UBQLN3: variants seen among roughly 807,000 people sequenced by gnomAD.
UBQLN3 encodes ubiquilin-3.
Under a neutral mutation model 2.9 loss-of-function variants are expected in UBQLN3, and 1 was observed. The observed-to-expected ratio is 0.35, with a 90% CI of 0.12 to 1.66. UBQLN3 has a LOEUF of 1.66. Among genes scored for constraint, UBQLN3 ranks in the 40% most tolerant of loss-of-function variants. The probability of loss-of-function intolerance (pLI) is 0.35; values close to 1 mark genes in which losing one functional copy is unlikely to be tolerated. For missense variants in UBQLN3, 924 were observed against 816.5 expected (o/e 1.13, Z -1.61); for synonymous variants, 358 against 317.6 (o/e 1.13, Z -1.35).
rs1281875541 is a variant in UBQLN3, at chr11:5,509,075, C to T, written c.484G>A (p.Val162Met). The change falls in exon 2 of 2, where the codon GTG becomes ATG. Residue 162 changes from valine (V) to methionine (M), a missense_variant. Physicochemically the swap from Val to Met is conservative, Grantham distance 21. Coordinates refer to ENST00000311659, the MANE Select transcript of UBQLN3 (RefSeq NM_017481.4). ...TGAGTCACAAACTCAGGCACAGACA[C>T]ATGCTGCCGCATCAGGGAGCTTGGC... ...DQPSSLMRQH[V>M]SVPEFVTQLI... The T allele has an allele frequency of 1.2e-6, 2 of 1,614,182 alleles. No individual in the cohort carries two copies. Among genetic ancestry groups the T allele is most frequent in the East Asian group, 4.5e-5 (2 of 44,878 alleles).
At chr11:5,509,766 G>C in intron 1 of UBQLN3, 108 bp downstream of exon 1, 1 of 799,792 alleles carries the variant, frequency 1.3e-6, no homozygotes, top group Middle Eastern at 3.8e-4. Flanking sequence ...GCGGGATTGA[G>C]ATATGTTGGA....
intron 1 of UBQLN3, 107 bp downstream of exon 1, chr11:5,509,767 A>G (rs1350060163): frequency 3.8e-6 from 3 of 781,328 alleles, no homozygotes; most frequent in Non-Finnish European, 3.9e-6. Context: ...CGGGATTGAG[A>G]TATGTTGGAA....
rs1433973185 is a variant in UBQLN3 at position 5,509,373 on chromosome 11, A to G, written c.186T>C (p.Val62=). 6.2e-7 allele frequency: 1 copy of G among 1,614,156 alleles called. No homozygotes were observed. Among genetic ancestry groups the G allele is most frequent in the South Asian group, 1.1e-5 (1 of 91,084 alleles). Residue 62 remains valine, a synonymous_variant, in exon 2 of 2, where the codon GTT becomes GTC. Coordinates refer to ENST00000311659, the MANE Select transcript of UBQLN3 (RefSeq NM_017481.4). ...QRFKAHPDQL[V]LIFAGKILKD... ...TGAGGATTTTGCCAGCAAAGATTAG[A>G]ACAAGCTGATCGGGGTGGGCCTTAA...
Position 5,509,183 on chromosome 11 carries a change from C to G in UBQLN3, c.376G>C (p.Ala126Pro). ...AAGCTAAAGGCAGGGGGCCCATCTG[C>G]TGGGTAAATGGAGCTTGGCTGAGGG... is the stretch of plus-strand genomic sequence containing the variant. ...SLPQPSSIYPADGPPAFSLGL... is the reference protein window; with the variant it reads ...SLPQPSSIYPPDGPPAFSLGL... Residue 126 changes from alanine (A) to proline (P), a missense_variant, in exon 2 of 2, where the codon GCA (alanine) becomes CCA (proline). By Grantham distance (27) the Ala-to-Pro change is conservative. Coordinates refer to ENST00000311659, the MANE Select transcript of UBQLN3 (RefSeq NM_017481.4). The G allele has an allele frequency of 6.2e-7, 1 of 1,613,878 alleles. No homozygotes were observed. The highest frequency in any genetic ancestry group is 1.1e-5 in the South Asian group (1 of 91,056).
rs1205855619 is a variant in UBQLN3, at chr11:5,507,964, T to C, written c.1595A>G (p.Gln532Arg). ...QALRQIEQGL[Q>R]VLATEAPRLL... ...GCGAGGTGCTTCAGTAGCTAGGACC[T>C]GTAGACCCTGCTCAATCTGCCGCAG... The change falls in exon 2 of 2, where the codon CAG becomes CGG. Residue 532 changes from glutamine to arginine, a missense_variant. Physicochemically the swap from Gln to Arg is conservative, Grantham distance 43. Transcript: ENST00000311659. The C allele has an allele frequency of 6.2e-7, 1 of 1,613,906 alleles. No homozygotes were observed. The highest frequency in any genetic ancestry group is 1.3e-5 in the African/African-American group (1 of 74,932).
chr11:5,507,802 G>A lies in UBQLN3; in HGVS notation c.1757C>T (p.Ala586Val). The change falls in exon 2 of 2, where the codon GCA becomes GTA. Residue 586 changes from alanine (A) to valine (V), a missense_variant. Physicochemically the swap from Ala to Val is moderately conservative, Grantham distance 64. Transcript: ENST00000311659. ...PPEVFPALDS[A>V]ELGFLSPPFL... is the part of the protein sequence containing the mutation. ...GGGAGGGGAAAGGAAGCCCAGCTCT[G>A]CAGAGTCCAGTGCTGGGAACACCTC... 1.2e-6 allele frequency: 2 copies of A among 1,614,074 alleles called. No individual in the cohort carries two copies. The highest frequency in any genetic ancestry group is 1.7e-6 in the Non-Finnish European group (2 of 1,180,028).
chr11:5,509,441 T>G lies in UBQLN3; in HGVS notation c.118A>C (p.Thr40Pro). 3 of 1,614,200 alleles carry G rather than the reference T, an allele frequency of 1.9e-6. No individual in the cohort carries two copies. Among genetic ancestry groups the G allele is most frequent in the Non-Finnish European group, 2.5e-6 (3 of 1,179,996 alleles). ...KDKEDFSVTDTCTIQQLKEEI... is the reference protein window; with the variant it reads ...KDKEDFSVTDPCTIQQLKEEI... ...TCCTTCAGCTGCTGGATAGTGCATG[T>G]GTCTGTAACTGAGAAATCCTCCTTG... is the stretch of plus-strand genomic sequence containing the variant. Residue 40 changes from threonine (T) to proline (P), a missense_variant, in exon 2 of 2, where the codon ACA (threonine) becomes CCA (proline). Transcript: ENST00000311659.
Position 5,508,550 on chromosome 11 carries a change from GA to G in UBQLN3, c.1008del (p.Leu337TrpfsTer4). The G allele has an allele frequency of 6.2e-7, 1 of 1,614,130 alleles. No homozygotes were observed. The highest frequency in any genetic ancestry group is 8.5e-7 in the Non-Finnish European group (1 of 1,180,028). ...APDIRNRFPN[F>X]LGIIRLYDYL... ...TAGTCATAGAGCCTTATAATACCCA[GA>G]AAGTTTGGAAACCTATTTCTAATGT... On this transcript the variant is annotated frameshift_variant, in exon 2 of 2. Transcript: ENST00000311659. LOFTEE classifies it low-confidence loss of function (END_TRUNC). The surrounding 1 kb of genome is among the most constrained non-coding windows in gnomAD (Gnocchi z 4.2).
Position 5,507,461 on chromosome 11 carries a change from C to A in UBQLN3, c.*130G>T, listed in dbSNP as rs1590035818. The A allele has an allele frequency of 2.7e-6, 4 of 1,471,324 alleles. No homozygotes were observed. The South Asian group carries it at 5.8e-5, about 21-fold the overall frequency. The allele number at this position is 1,471,324 out of a possible 1,614,324, so 91.1% of individuals were successfully genotyped here. On this transcript the variant is annotated 3_prime_UTR_variant, in exon 2 of 2. Coordinates refer to ENST00000311659, the MANE Select transcript of UBQLN3 (RefSeq NM_017481.4). ...CCTCGTTGACTCTGGAACAACATTG[C>A]CTCCACAGCAAAGGACTTCATAGTA...
Position 5,509,340 on chromosome 11 carries a change from A to C in UBQLN3, c.219T>G (p.Pro73=). 1 of 1,614,176 alleles carries C rather than the reference A, an allele frequency of 6.2e-7. No homozygotes were observed. The highest frequency in any genetic ancestry group is 8.5e-7 in the Non-Finnish European group (1 of 1,180,032). The change falls in exon 2 of 2, where the codon CCT becomes CCG. Residue 73 remains proline (P), a synonymous_variant. Transcript: ENST00000311659. ...LIFAGKILKD[P]DSLAQCGVRD... The stretch of plus-strand genomic sequence containing the variant: ...GCACTCCACACTGTGCCAGTGAGTC[A>C]GGATCCTTGAGGATTTTGCCAGCAA...
chr11:5,508,173 A>G lies in UBQLN3; in HGVS notation c.1386T>C (p.Phe462=), dbSNP rs1240772479. The G allele has an allele frequency of 6.2e-7, 1 of 1,614,042 alleles. No individual in the cohort carries two copies. The highest frequency in any genetic ancestry group is 8.5e-7 in the Non-Finnish European group (1 of 1,180,038). ...ANRVPFAPLS[F]SPTAAIPGIP... ...TTCCAGGAATGGCTGCCGTGGGGGA[A>G]AAAGATAAGGGAGCAAATGGAACCC... is the stretch of plus-strand genomic sequence containing the variant. The change falls in exon 2 of 2, where the codon TTT becomes TTC. Residue 462 remains phenylalanine (F), a synonymous_variant. Coordinates refer to ENST00000311659, the MANE Select transcript of UBQLN3 (RefSeq NM_017481.4). This position sits in a 1 kb window ranked among gnomAD's most constrained non-coding sequence, Gnocchi z 4.2.
Position 5,507,552 on chromosome 11 carries a change from G to A in UBQLN3, c.*39C>T. On this transcript the variant is annotated 3_prime_UTR_variant, in exon 2 of 2. Coordinates refer to ENST00000311659, the MANE Select transcript of UBQLN3 (RefSeq NM_017481.4). ...CTAGGGAACTAGGATATGGGAAAAAGGCACAGAGGAAAACGTATGGTTTGA... is the reference window on the plus strand; with the variant it reads ...CTAGGGAACTAGGATATGGGAAAAAAGCACAGAGGAAAACGTATGGTTTGA... 6.5e-7 allele frequency: 1 copy of A among 1,535,630 alleles called. No homozygotes were observed. The highest frequency in any genetic ancestry group is 8.8e-7 in the Non-Finnish European group (1 of 1,141,810).
Position 5,507,412 on chromosome 11 carries a change from C to T in UBQLN3, c.*179G>A, listed in dbSNP as rs978606949. Reference sequence around the variant, plus strand: ...GTGGTTGACTCACACACAGCACCTCCACTATGTTTTGGCCATTAGTCTTCC... The same window carrying T: ...GTGGTTGACTCACACACAGCACCTCTACTATGTTTTGGCCATTAGTCTTCC... On this transcript the variant is annotated 3_prime_UTR_variant, in exon 2 of 2. Transcript: ENST00000311659. The T allele has an allele frequency of 3.1e-6, 4 of 1,289,198 alleles. No individual in the cohort carries two copies. The highest frequency in any genetic ancestry group is 6.1e-5 in the Admixed American group (2 of 33,050). The allele number at this position is 1,289,198 out of a possible 1,614,324, so 79.9% of individuals were successfully genotyped here.
chr11:5,507,797 G>C lies in UBQLN3; in HGVS notation c.1762C>G (p.Leu588Val), dbSNP rs758283109. The change falls in exon 2 of 2, where the codon CTG (leucine) becomes GTG (valine). Residue 588 changes from leucine (L) to valine (V), a missense_variant. Physicochemically the swap from Leu to Val is conservative, Grantham distance 32. Transcript: ENST00000311659. Reference protein sequence around the residue: ...EVFPALDSAELGFLSPPFLHM... With the variant: ...EVFPALDSAEVGFLSPPFLHM... ...AGAAAGGGAGGGGAAAGGAAGCCCA[G>C]CTCTGCAGAGTCCAGTGCTGGGAAC... 3 of 1,614,042 alleles carry C rather than the reference G, an allele frequency of 1.9e-6. No individual in the cohort carries two copies. Among genetic ancestry groups the C allele is most frequent in the Non-Finnish European group, 2.5e-6 (3 of 1,180,022 alleles).
In UBQLN3 at chr11:5,507,892, G is replaced by A; in HGVS notation, c.1667C>T (p.Ala556Val). The A allele has an allele frequency of 6.2e-7, 1 of 1,613,816 alleles. No individual in the cohort carries two copies. Among genetic ancestry groups the A allele is most frequent in the Non-Finnish European group, 8.5e-7 (1 of 1,180,024 alleles). The change falls in exon 2 of 2, where the codon GCA becomes GTA. Residue 556 changes from alanine (A) to valine (V), a missense_variant. Transcript: ENST00000311659. ...ATCTTCTCTAGACTCTATACCTCCT[G>A]CCACACTACCCGTCCCTGCTAGGCA... ...MPCLAGTGSV[A>V]GGIESREDPL...
At position 5,507,913 on chromosome 11, in the gene UBQLN3, A is replaced by T. The variant is rs1846403839; in HGVS notation, c.1646T>A (p.Leu549Gln). The change falls in exon 2 of 2, where the codon CTA (leucine) becomes CAA (glutamine). Residue 549 changes from leucine (L) to glutamine (Q), a missense_variant. Transcript: ENST00000311659. ...PRLLLWFMPC[L>Q]AGTGSVAGGI... ...TCCTGCCACACTACCCGTCCCTGCT[A>T]GGCAAGGCATGAACCAGAGTAGGAG... 6.2e-7 allele frequency: 1 copy of T among 1,613,738 alleles called. No individual in the cohort carries two copies. The highest frequency in any genetic ancestry group is 1.7e-5 in the Admixed American group (1 of 60,010).
Position 5,507,807 on chromosome 11 carries a change from G to C in UBQLN3, c.1752C>G (p.Asp584Glu). The change falls in exon 2 of 2, where the codon GAC (aspartate) becomes GAG (glutamate). Residue 584 changes from aspartate to glutamate, a missense_variant. By Grantham distance (45) the Asp-to-Glu change is conservative (BLOSUM62 2). Transcript: ENST00000311659. ...NPPPEVFPALDSAELGFLSPP... is the reference protein window; with the variant it reads ...NPPPEVFPALESAELGFLSPP... The stretch of plus-strand genomic sequence containing the variant: ...GGGAAAGGAAGCCCAGCTCTGCAGA[G>C]TCCAGTGCTGGGAACACCTCAGGAG... 2 of 1,614,036 alleles carry C rather than the reference G, an allele frequency of 1.2e-6. No homozygotes were observed. The highest frequency in any genetic ancestry group is 2.2e-5 in the East Asian group (1 of 44,862).
chr11:5,507,630 G>T lies in UBQLN3; in HGVS notation c.1929C>A (p.Gly643=). The change falls in exon 2 of 2, where the codon GGC becomes GGA. Residue 643 remains glycine (G), a synonymous_variant. Coordinates refer to ENST00000311659, the MANE Select transcript of UBQLN3 (RefSeq NM_017481.4). ...GCTTCTCCACAGCAGCATCCACGTCGCCCCCCGTAGCAATGAGGGCCTGAA... is the reference window on the plus strand; with the variant it reads ...GCTTCTCCACAGCAGCATCCACGTCTCCCCCCGTAGCAATGAGGGCCTGAA... ...ANLQALIATG[G]DVDAAVEKLR... is the part of the protein sequence containing the mutation. The T allele has an allele frequency of 6.2e-7, 1 of 1,612,766 alleles. No homozygotes were observed.
rs1331816389 is a variant in UBQLN3 at position 5,509,427 on chromosome 11, C to T, written c.132G>A (p.Gln44=). ...GCTGAGATATCTCTTCCTTCAGCTG[C>T]TGGATAGTGCATGTGTCTGTAACTG... The part of the protein sequence containing the change: ...DFSVTDTCTI[Q]QLKEEISQRF... Residue 44 remains glutamine (Q), a synonymous_variant, in exon 2 of 2, where the codon CAG becomes CAA. Transcript: ENST00000311659. The T allele has an allele frequency of 6.2e-7, 1 of 1,614,220 alleles. No homozygotes were observed. The highest frequency in any genetic ancestry group is 1.1e-5 in the South Asian group (1 of 91,090).
Sources: allele counts gnomAD v4.1 joint callset, GRCh38; gene constraint gnomAD v4.1.1; non-coding constraint Gnocchi (gnomAD v3.1); transcripts MANE v1.5; gene names NCBI Gene and HGNC (gene_info 2026-07-23, HGNC 2026-07-21).